The following SHISA9 variants were observed in gnomAD, a reference collection of about 807,000 sequenced individuals.
SHISA9 encodes the protein protein shisa-9.
Under a neutral mutation model 38.0 loss-of-function variants are expected in SHISA9, and 13 were observed. That is an observed-to-expected ratio of 0.34 (90% CI 0.22 to 0.54). The LOEUF (loss-of-function observed/expected upper bound fraction) is 0.54. Ranked by LOEUF, SHISA9 falls within the 20% of genes least tolerant of loss-of-function variation. The pLI, the probability that SHISA9 is intolerant of heterozygous loss-of-function variation, is 0.91. For missense variants in SHISA9, 538 were observed against 575.8 expected (o/e 0.93, Z 0.67); for synonymous variants, 275 against 242.0 (o/e 1.14, Z -1.27).
the SHISA9 span, among the ~76,000 whole-genome samples, chr16:13,348,959 C>T: frequency 6.6e-6 from 1 of 152,162 alleles, no homozygotes; most frequent in East Asian, 2.0e-4. Context: ...GTTAGTGGCC[C>T]ACAGAGTCAT....
intron 2 of SHISA9, among the ~76,000 whole-genome samples, chr16:13,153,691 TG>T (rs1010973372): frequency 6.6e-6 from 1 of 152,124 alleles, no homozygotes; most frequent in African/African-American, 2.4e-5. Flanking sequence ...GTATCAAACC[TG>T]ATGTTCCAGG....
intron 2 of SHISA9, among the ~76,000 whole-genome samples, chr16:12,925,435 T>TTGTGTG (rs1555500760): frequency 1.5e-5 from 1 of 67,906 alleles, no homozygotes; most frequent in Non-Finnish European, 3.5e-5. Context: ...GAAAATGAGA[T>TTGTGTG]TGTGTGTGTG....
At chr16:13,523,558 C>T in the SHISA9 span, among the ~76,000 whole-genome samples, 5 of 152,058 alleles carry the variant, frequency 3.3e-5, no homozygotes, top group South Asian at 4.2e-4. Context: ...AACTTACAAA[C>T]GTTATGGAAA....
chr16:13,006,967 C>T (rs1332572146), intron 2 of SHISA9, among the ~76,000 whole-genome samples: 2 of 152,268 alleles, frequency 1.3e-5, no homozygotes, highest in Non-Finnish European at 2.9e-5. Flanking sequence ...TTCTGTCACC[C>T]TCGACACCTT....
intron 2 of SHISA9, among the ~76,000 whole-genome samples, chr16:12,959,605 A>G (rs1315611219): frequency 2.6e-5 from 4 of 152,192 alleles, no homozygotes; most frequent in Admixed American, 2.0e-4. Flanking sequence ...GTCAAAAACC[A>G]GGGCGGAGAG....
At chr16:13,297,835 C>A in the SHISA9 span, among the ~76,000 whole-genome samples, 2 of 152,204 alleles carry the variant, frequency 1.3e-5, no homozygotes, top group Non-Finnish European at 2.9e-5. Context: ...CGGCTCACTG[C>A]AACCTCTACC....
chr16:13,370,534 G>A, the SHISA9 span, among the ~76,000 whole-genome samples: 60 of 152,268 alleles, frequency 3.9e-4, no homozygotes, highest in African/African-American at 1.4e-3. Context: ...GACTTACGAA[G>A]GCATTGCTGA....
chr16:13,225,432 G>A (rs574153200), intron 4 of SHISA9, among the ~76,000 whole-genome samples: 6 of 152,284 alleles, frequency 3.9e-5, no homozygotes, highest in African/African-American at 7.2e-5. Flanking sequence ...TAGAGTCCAC[G>A]TCAAACAGAC....
At chr16:13,449,871 C>T in the SHISA9 span, among the ~76,000 whole-genome samples, 1 of 152,186 alleles carries the variant, frequency 6.6e-6, no homozygotes, top group East Asian at 1.9e-4. Flanking sequence ...AATCCCAGCA[C>T]TTTGTGAGGC....
In SHISA9 at chr16:13,235,417, C is replaced by T. The variant is rs2051373264; in HGVS notation, c.*8C>T. The T allele has an allele frequency of 6.5e-7, 1 of 1,532,030 alleles. No homozygotes were observed. The highest frequency in any genetic ancestry group is 8.7e-7 in the Non-Finnish European group (1 of 1,143,654). The allele number at this position is 1,532,030 out of a possible 1,614,324, so 94.9% of individuals were successfully genotyped here. A position where few individuals can be genotyped will look rare whatever the true frequency, so the allele number is the denominator to read the frequency against. ...ACAGAAGTGACTGTCTGAGCTTTCA[C>T]CACAGGGAGCACCCTGGAGACCACA... On this transcript the variant is annotated 3_prime_UTR_variant, in exon 5 of 5. Transcript: ENST00000558583.
At chr16:13,325,710 A>G in the SHISA9 span, among the ~76,000 whole-genome samples, 1 of 152,174 alleles carries the variant, frequency 6.6e-6, no homozygotes, top group Non-Finnish European at 1.5e-5. Context: ...GCCATGGAAC[A>G]CTATGCAGCC....
At chr16:13,033,257 T>C (rs975385675) in intron 2 of SHISA9, among the ~76,000 whole-genome samples, 5 of 152,156 alleles carry the variant, frequency 3.3e-5, no homozygotes, top group African/African-American at 4.8e-5. Flanking sequence ...GAAAATGGAC[T>C]GATGACCTGG....
chr16:12,981,215 C>A (rs1051011992), intron 2 of SHISA9, among the ~76,000 whole-genome samples: 18 of 152,186 alleles, frequency 1.2e-4, no homozygotes, highest in Non-Finnish European at 8.8e-5. Context: ...TAGGTGAGTC[C>A]TAGGATGGGG....
At chr16:12,961,797 G>A (rs936146630) in intron 2 of SHISA9, among the ~76,000 whole-genome samples, 1 of 152,212 alleles carries the variant, frequency 6.6e-6, no homozygotes, top group African/African-American at 2.4e-5. Context: ...TGAACAGCGA[G>A]TTCCTTGCGA....
intron 2 of SHISA9, among the ~76,000 whole-genome samples, chr16:13,136,077 G>C (rs929796005): frequency 6.6e-6 from 1 of 152,098 alleles, no homozygotes; most frequent in Non-Finnish European, 1.5e-5. Flanking sequence ...CTGAAGTCTG[G>C]TTCTTTGTTT....
At chr16:13,165,656 C>T (rs2050629077) in intron 2 of SHISA9, among the ~76,000 whole-genome samples, 1 of 152,186 alleles carries the variant, frequency 6.6e-6, no homozygotes, top group Non-Finnish European at 1.5e-5. Flanking sequence ...TAATGTCTTT[C>T]CTCTCTGTCT....
chr16:13,377,471 C>T, the SHISA9 span, among the ~76,000 whole-genome samples: 3 of 152,154 alleles, frequency 2.0e-5, no homozygotes, highest in Non-Finnish European at 2.9e-5. Context: ...CCCAATATGC[C>T]TCTGTTACCT....
intron 2 of SHISA9, among the ~76,000 whole-genome samples, chr16:13,031,147 T>C (rs1186452754): frequency 6.6e-6 from 1 of 152,236 alleles, no homozygotes; most frequent in African/African-American, 2.4e-5. Flanking sequence ...TTACTCTAGG[T>C]ATATTGGGAA....
chr16:13,551,155 G>A, the SHISA9 span, among the ~76,000 whole-genome samples: 1 of 149,992 alleles, frequency 6.7e-6, no homozygotes, highest in Non-Finnish European at 1.5e-5. Flanking sequence ...TGGGCACAAA[G>A]ATAAAAATCC....
Sources: gnomAD v4.1 joint callset for allele counts (sites outside exome capture counted in the v4.1 genomes callset) on GRCh38, gnomAD v4.1.1 for gene constraint, MANE v1.5 for transcripts, NCBI Gene and HGNC (gene_info 2026-07-23, HGNC 2026-07-21) for gene names.